Variants in FRMD4A observed in about 807,000 individuals in gnomAD.
The protein encoded by FRMD4A is FERM domain-containing protein 4A.
Under a neutral mutation model 129.1 loss-of-function variants are expected in FRMD4A, and 29 were observed. The ratio of observed to expected loss-of-function variants is 0.22; its 90% CI spans 0.17 to 0.31. FRMD4A has a LOEUF of 0.31. Among genes scored for constraint, FRMD4A ranks in the 10% least tolerant of loss-of-function variants. The pLI is 1.00. For missense variants in FRMD4A, 1,272 were observed against 1,375.8 expected (o/e 0.92, Z 1.19); for synonymous variants, 634 against 571.6 (o/e 1.11, Z -1.56).
At position 14,208,336 on chromosome 10, in the gene FRMD4A, C is replaced by T. The variant is rs540785307; in HGVS notation, c.45+121722G>A. ...AGTGTGTTGTTCAGGGTGCCAATGGCCCTGGGCTCCCCCAGGTCTCTGGGG... is the reference window on the plus strand; with the variant it reads ...AGTGTGTTGTTCAGGGTGCCAATGGTCCTGGGCTCCCCCAGGTCTCTGGGG... On this transcript the variant is annotated intron_variant, in intron 2 of 24. Transcript: ENST00000357447. 2.6e-5 allele frequency among the ~76,000 whole-genome samples: 4 copies of T among 152,274 alleles called. No individual in the cohort carries two copies. In the East Asian group the frequency reaches 5.8e-4, roughly 22 times the overall value.
intron 2 of FRMD4A, among the ~76,000 whole-genome samples, chr10:14,325,853 T>C (rs969006797): frequency 3.9e-5 from 6 of 152,210 alleles, no homozygotes; most frequent in Non-Finnish European, 8.8e-5. Flanking sequence ...GGTTACCCAT[T>C]GAAATCTATT....
At chr10:13,968,571 G>T (rs1342609377) in intron 2 of FRMD4A, among the ~76,000 whole-genome samples, 1 of 152,198 alleles carries the variant, frequency 6.6e-6, no homozygotes, top group Non-Finnish European at 1.5e-5. Context: ...TCCCGCCTCA[G>T]CCTCCCGAGT....
rs114801099 is a variant in FRMD4A at position 13,797,292 on chromosome 10, C to T, written c.207-704G>A. Among the ~76,000 whole-genome samples the T allele has an allele frequency of 2.8e-3, 420 of 152,328 alleles. 2 individuals are homozygous for T. The highest frequency in any genetic ancestry group is 9.6e-3 in the African/African-American group (400 of 41,574). On this transcript the variant is annotated intron_variant, in intron 4 of 24. Transcript: ENST00000357447. ...CTTGAAAACATGTTAGCAATCCTCA[C>T]GACATCTTGCTGGAGTGAAAAGCAA...
intron 2 of FRMD4A, among the ~76,000 whole-genome samples, chr10:14,021,768 T>C (rs1303780642): frequency 6.6e-6 from 1 of 152,020 alleles, no homozygotes. Flanking sequence ...CCATACATGT[T>C]TTATGGACTT....
intron 3 of FRMD4A, among the ~76,000 whole-genome samples, chr10:13,840,272 C>G (rs117357946): frequency 1.9e-3 from 290 of 152,094 alleles, no homozygotes; most frequent in East Asian, 0.018. Context: ...GGAAGAGAAC[C>G]AGGGATACTC....
intron 2 of FRMD4A, among the ~76,000 whole-genome samples, chr10:14,199,541 C>T (rs181279444): frequency 2.6e-4 from 40 of 152,076 alleles, no homozygotes; most frequent in African/African-American, 9.4e-4. Context: ...AGGCACCCAC[C>T]ACCACGTCTG....
intron 15 of FRMD4A, among the ~76,000 whole-genome samples, chr10:13,679,323 GT>G (rs2084269327): frequency 6.8e-6 from 1 of 147,076 alleles, no homozygotes; most frequent in African/African-American, 2.5e-5. Flanking sequence ...AGCCAGTTGG[GT>G]GGCTGAGGCA....
rs554996134 is a variant in FRMD4A, at chr10:14,310,505, G to A, written c.45+19553C>T. Reference sequence around the variant, plus strand: ...CTGAAAGCTTGCACGGGTGAATGCTGGCCGCTGTGCCAATAGGAAAAAGGC... The same window carrying A: ...CTGAAAGCTTGCACGGGTGAATGCTAGCCGCTGTGCCAATAGGAAAAAGGC... On this transcript the variant is annotated intron_variant, in intron 2 of 24. Coordinates refer to ENST00000357447, the MANE Select transcript of FRMD4A (RefSeq NM_018027.5). 4.6e-5 allele frequency among the ~76,000 whole-genome samples: 7 copies of A among 152,320 alleles called. No homozygotes were observed. In the East Asian group the frequency reaches 7.7e-4, roughly 17 times the overall value.
At chr10:13,894,297 G>A (rs561786449) in intron 2 of FRMD4A, among the ~76,000 whole-genome samples, 2 of 152,278 alleles carry the variant, frequency 1.3e-5, no homozygotes, top group East Asian at 3.9e-4. Flanking sequence ...ATCTGATCCC[G>A]TAACTTTCGC....
At chr10:13,756,802 A>G (rs1396987478) in intron 8 of FRMD4A, among the ~76,000 whole-genome samples, 1 of 152,194 alleles carries the variant, frequency 6.6e-6, no homozygotes, top group East Asian at 1.9e-4. Context: ...ATAGACAAAA[A>G]CCAAAAAATC....
chr10:13,893,897 C>T (rs1359802331), intron 2 of FRMD4A, among the ~76,000 whole-genome samples: 1 of 152,228 alleles, frequency 6.6e-6, no homozygotes, highest in African/African-American at 2.4e-5. Context: ...CTGCTTTCCG[C>T]CTTGGCCACT....
intron 2 of FRMD4A, among the ~76,000 whole-genome samples, chr10:14,129,403 TATATA>T (rs1292107674): frequency 1.6e-4 from 21 of 129,506 alleles, no homozygotes; most frequent in African/African-American, 6.5e-4. Flanking sequence ...TATATATATA[TATATA>T]AAAAATATGA....
At chr10:14,328,768 C>T (rs1296648765) in intron 2 of FRMD4A, among the ~76,000 whole-genome samples, 9 of 152,010 alleles carry the variant, frequency 5.9e-5, no homozygotes, top group Admixed American at 5.2e-4. Flanking sequence ...ATCACGAATA[C>T]TCAGTGATGG....
intron 19 of FRMD4A, among the ~76,000 whole-genome samples, chr10:13,661,266 G>C (rs937684571): frequency 1.3e-5 from 2 of 152,222 alleles, no homozygotes; most frequent in African/African-American, 4.8e-5. Flanking sequence ...CAGTGCGCTA[G>C]AGGACTTTCA....
intron 2 of FRMD4A, among the ~76,000 whole-genome samples, chr10:14,030,352 TCA>T (rs1833179428): frequency 6.6e-6 from 1 of 152,234 alleles, no homozygotes; most frequent in Non-Finnish European, 1.5e-5. Flanking sequence ...GGTGATTATT[TCA>T]CAATGTATAC....
intron 2 of FRMD4A, among the ~76,000 whole-genome samples, chr10:13,952,184 T>A (rs570928520): frequency 6.7e-4 from 102 of 151,468 alleles, no homozygotes; most frequent in Non-Finnish European, 1.2e-3. Flanking sequence ...GCTTTTTATT[T>A]TTATTATTAT....
chr10:13,945,743 T>G (rs967523250), intron 2 of FRMD4A, among the ~76,000 whole-genome samples: 1 of 152,126 alleles, frequency 6.6e-6, no homozygotes, highest in Non-Finnish European at 1.5e-5. Flanking sequence ...AGAGCCAGGG[T>G]CACCCCAGGA....
At chr10:13,791,122 G>T (rs61531980) in intron 5 of FRMD4A, among the ~76,000 whole-genome samples, 2,140 of 152,254 alleles carry the variant, frequency 0.014, 49 homozygotes, top group African/African-American at 0.049. Context: ...TAAGTTTGTG[G>T]ATAAAGAAGT....
intron 6 of FRMD4A, among the ~76,000 whole-genome samples, chr10:13,779,320 A>T (rs201874002): frequency 6.9e-5 from 1 of 14,490 alleles, no homozygotes; most frequent in South Asian, 2.0e-3. Context: ...CATCTCCAAG[A>T]AAAAAAAAAA....
Sources: allele counts gnomAD v4.1 joint callset (sites outside exome capture counted in the v4.1 genomes callset), GRCh38; gene constraint gnomAD v4.1.1; transcripts MANE v1.5; gene names NCBI Gene and HGNC (gene_info 2026-07-23, HGNC 2026-07-21).